MAPK8: variants seen among roughly 807,000 people sequenced by gnomAD.
MAPK8 encodes JUN N-terminal kinase.
A neutral mutation model predicts 52.9 loss-of-function variants in MAPK8; 13 were observed. The observed-to-expected ratio is 0.25, with a 90% CI of 0.16 to 0.39. MAPK8 has a LOEUF of 0.39. MAPK8 is among the 10% of genes least tolerant of loss of function. The probability of loss-of-function intolerance (pLI) is 1.00; values close to 1 mark genes in which losing one functional copy is unlikely to be tolerated. For synonymous variants in MAPK8, 191 were observed against 169.8 expected (o/e 1.12, Z -0.97); for missense variants, 300 against 519.2 (o/e 0.58, Z 4.10).
intron 1 of MAPK8, among the ~76,000 whole-genome samples, chr10:48,365,539 C>T (rs1007788882): frequency 6.6e-6 from 1 of 152,100 alleles, no homozygotes; most frequent in Non-Finnish European, 1.5e-5. Context: ...GCCGTCAGTA[C>T]TATTACCGCA....
At chr10:48,428,371 A>G (rs1311772746) in intron 10 of MAPK8, among the ~76,000 whole-genome samples, 2 of 152,080 alleles carry the variant, frequency 1.3e-5, no homozygotes, top group African/African-American at 4.8e-5. Flanking sequence ...CTCCCCCTTC[A>G]TCTCACCCTC....
chr10:48,324,081 C>G (rs1268636060), intron 1 of MAPK8, among the ~76,000 whole-genome samples: 1 of 152,198 alleles, frequency 6.6e-6, no homozygotes, highest in Non-Finnish European at 1.5e-5. Context: ...ACGGTAAACA[C>G]CTGTATACTT....
intron 1 of MAPK8, among the ~76,000 whole-genome samples, chr10:48,346,162 G>C (rs9703933): frequency 6.6e-6 from 1 of 152,030 alleles, no homozygotes; most frequent in Non-Finnish European, 1.5e-5. Context: ...CAAGAGACAG[G>C]GGACACGAGC....
chr10:48,420,964 A>T (rs1156893202), intron 6 of MAPK8, among the ~76,000 whole-genome samples: 1 of 152,230 alleles, frequency 6.6e-6, no homozygotes, highest in Non-Finnish European at 1.5e-5. Flanking sequence ...TTTTGTATGC[A>T]TATACCTACT....
intron 1 of MAPK8, among the ~76,000 whole-genome samples, chr10:48,377,452 C>T (rs954729866): frequency 3.0e-4 from 46 of 152,190 alleles, no homozygotes; most frequent in Non-Finnish European, 5.9e-5. Context: ...CAATTGAACC[C>T]TTCAACTTTT....
chr10:48,405,523 T>C lies in MAPK8; in HGVS notation c.252+542T>C, dbSNP rs369014481. On this transcript the variant is annotated intron_variant, in intron 3 of 11. Coordinates refer to ENST00000374189, the MANE Select transcript of MAPK8 (RefSeq NM_001323329.2). The stretch of plus-strand genomic sequence containing the variant: ...TATCTAGAGGGTATTAACATGTTTC[T>C]AATTCTATTTTCTAATGATTGCAAA... Among the ~76,000 whole-genome samples, 19 of 152,344 alleles carry C rather than the reference T, an allele frequency of 1.2e-4. No individual in the cohort carries two copies. The South Asian group carries it at 3.9e-3, about 32-fold the overall frequency.
chr10:48,426,063 A>G lies in MAPK8; in HGVS notation c.864A>G (p.Lys288=). The change falls in exon 8 of 12, where the codon AAA becomes AAG. Residue 288 remains lysine, a synonymous_variant. Transcript: ENST00000374189. ...TCCCAGCTGACTCAGAACACAACAA[A>G]CTTAAAGGTACTTTTTACAAATATG... ...VLFPADSEHN[K]LKASQARDLL... 1 of 1,606,980 alleles carries G rather than the reference A, an allele frequency of 6.2e-7. No homozygotes were observed. Among genetic ancestry groups the G allele is most frequent in the Non-Finnish European group, 8.5e-7 (1 of 1,176,622 alleles).
At chr10:48,412,819 A>G (rs987155645) in intron 5 of MAPK8, among the ~76,000 whole-genome samples, 4 of 152,108 alleles carry the variant, frequency 2.6e-5, no homozygotes, top group African/African-American at 9.7e-5. Flanking sequence ...TGCCATTTTA[A>G]CCATTAAATC....
intron 10 of MAPK8, chr10:48,427,522 C>T (rs926843860): frequency 1.9e-5 from 3 of 158,742 alleles, no homozygotes; most frequent in Non-Finnish European, 4.2e-5. Flanking sequence ...GTTGGAGTCT[C>T]GCTCTGTCAC....
intron 1 of MAPK8, among the ~76,000 whole-genome samples, chr10:48,347,557 C>T (rs1443420987): frequency 1.3e-5 from 2 of 152,168 alleles, no homozygotes; most frequent in East Asian, 3.8e-4. Context: ...AGCTCCCCAC[C>T]CCGCAACAGG....
At chr10:48,399,407 G>A (rs1454143346) in intron 1 of MAPK8, among the ~76,000 whole-genome samples, 3 of 152,174 alleles carry the variant, frequency 2.0e-5, no homozygotes, top group African/African-American at 7.2e-5. Context: ...ACTAGCTGGG[G>A]CTGCCTGCTT....
chr10:48,403,456 T>TAA (rs568314320), intron 2 of MAPK8, among the ~76,000 whole-genome samples: 4 of 131,428 alleles, frequency 3.0e-5, no homozygotes, highest in Non-Finnish European at 4.9e-5. Context: ...AGACTCCGTC[T>TAA]AAAAAAAAAA....
chr10:48,365,995 T>C (rs970578676), intron 1 of MAPK8, among the ~76,000 whole-genome samples: 3 of 152,132 alleles, frequency 2.0e-5, no homozygotes, highest in African/African-American at 4.8e-5. Flanking sequence ...GGAATGTACT[T>C]GATCAGTAAA....
At chr10:48,316,604 A>G (rs568361682) in intron 1 of MAPK8, among the ~76,000 whole-genome samples, 3 of 152,220 alleles carry the variant, frequency 2.0e-5, no homozygotes, top group Admixed American at 6.5e-5. Context: ...GAATGTAGAC[A>G]GGAGGGTCTT....
At chr10:48,351,900 G>A (rs1015102583) in intron 1 of MAPK8, among the ~76,000 whole-genome samples, 9 of 152,158 alleles carry the variant, frequency 5.9e-5, no homozygotes, top group Non-Finnish European at 1.2e-4. Context: ...TTTGCTTTGA[G>A]TGTCTTGTTG....
At chr10:48,338,466 C>G (rs1288623568) in intron 1 of MAPK8, among the ~76,000 whole-genome samples, 1 of 152,100 alleles carries the variant, frequency 6.6e-6, no homozygotes, top group Admixed American at 6.5e-5. Flanking sequence ...TACCCACAGC[C>G]AACATCATCC....
At chr10:48,340,898 T>G (rs1845190886) in intron 1 of MAPK8, among the ~76,000 whole-genome samples, 1 of 152,244 alleles carries the variant, frequency 6.6e-6, no homozygotes, top group South Asian at 2.1e-4. Context: ...TTGGCAAAGT[T>G]TCCATACTGT....
At chr10:48,334,375 C>T (rs2132277264) in intron 1 of MAPK8, among the ~76,000 whole-genome samples, 1 of 152,260 alleles carries the variant, frequency 6.6e-6, no homozygotes, top group Non-Finnish European at 1.5e-5. Flanking sequence ...GTTTCCCTCG[C>T]AGAACGGAAC....
intron 1 of MAPK8, among the ~76,000 whole-genome samples, chr10:48,354,749 C>T (rs2132468364): frequency 6.6e-6 from 1 of 151,968 alleles, no homozygotes; most frequent in East Asian, 1.9e-4. Flanking sequence ...ACCAGCTGAC[C>T]CTTGTATAAT....
Sources: gnomAD v4.1 joint callset for allele counts (sites outside exome capture counted in the v4.1 genomes callset) on GRCh38, gnomAD v4.1.1 for gene constraint, MANE v1.5 for transcripts, NCBI Gene and HGNC (gene_info 2026-07-23, HGNC 2026-07-21) for gene names.